LRIF1: variants seen among roughly 807,000 people sequenced by gnomAD.
The protein encoded by LRIF1 is ligand-dependent nuclear receptor-interacting factor 1.
Under a neutral mutation model 52.7 loss-of-function variants are expected in LRIF1, and 32 were observed. The observed-to-expected ratio is 0.61, with a 90% CI of 0.46 to 0.82. The LOEUF is 0.82. Ranked by LOEUF, LRIF1 falls within the 40% of genes least tolerant of loss-of-function variation. The pLI is 0.00. For missense variants in LRIF1, 887 were observed against 892.0 expected, an observed-to-expected ratio of 0.99 and a Z score of 0.07; for synonymous variants, 323 against 317.4, an observed-to-expected ratio of 1.02 and a Z score of -0.19.
At chr1:110,958,714 A>C (rs1004808042) in intron 1 of LRIF1, among the ~76,000 whole-genome samples, 1 of 152,226 alleles carries the variant, frequency 6.6e-6, no homozygotes, top group African/African-American at 2.4e-5. Context: ...TCAGTGTATC[A>C]GTGAGAGTCA....
chr1:110,898,050 AATTTGCTTTAAGG>A, the LRIF1 span, among the ~76,000 whole-genome samples: 1 of 152,198 alleles, frequency 6.6e-6, no homozygotes, highest in Non-Finnish European at 1.5e-5. Context: ...TGTAATTAAC[AATTTGCTTTAAGG>A]TATATAGAAA....
the LRIF1 span, chr1:110,892,556 G>A: frequency 1.5e-5 from 24 of 1,590,508 alleles, 1 homozygote; most frequent in South Asian, 2.6e-4. Flanking sequence ...AGCAGATGTG[G>A]TGCCCCAAGT....
the LRIF1 span, chr1:110,897,793 C>A: frequency 5.2e-6 from 8 of 1,527,230 alleles, no homozygotes; most frequent in Non-Finnish European, 7.3e-6. Flanking sequence ...TCATTTGTAA[C>A]TGAAATGTCT....
chr1:110,911,615 CA>C, the LRIF1 span, among the ~76,000 whole-genome samples: 1 of 152,098 alleles, frequency 6.6e-6, no homozygotes, highest in African/African-American at 2.4e-5. Flanking sequence ...AAAATACGAG[CA>C]AATTGAATCC....
At chr1:110,963,444 G>C in intron 1 of LRIF1, 177 bp downstream of exon 1, 1 of 485,370 alleles carries the variant, frequency 2.1e-6, no homozygotes, top group South Asian at 3.7e-5. Context: ...ACATTTCCCA[G>C]AGGAAAGCGC....
At position 110,951,966 on chromosome 1, in the gene LRIF1, A is replaced by G; in HGVS notation, c.918T>C (p.Pro306=). The G allele has an allele frequency of 6.2e-7, 1 of 1,614,156 alleles. No individual in the cohort carries two copies. The change falls in exon 2 of 4, where the codon CCT becomes CCC. Residue 306 remains proline (P), a synonymous_variant. Transcript: ENST00000369763. The part of the protein sequence containing the change: ...NLQPFTPSLV[P]VKSSNNVASK... ...AAGCCACATTATTTGAAGACTTAAC[A>G]GGAACAAGAGATGGCGTAAAAGGCT...
the LRIF1 span, among the ~76,000 whole-genome samples, chr1:110,882,090 T>C: frequency 6.6e-6 from 1 of 152,206 alleles, no homozygotes; most frequent in Non-Finnish European, 1.5e-5. Context: ...CTTAACAGTG[T>C]CTTTTGAAGA....
the LRIF1 span, among the ~76,000 whole-genome samples, chr1:110,877,816 T>C: frequency 6.6e-6 from 1 of 152,174 alleles, no homozygotes; most frequent in Non-Finnish European, 1.5e-5. Context: ...TTCGTTTTAT[T>C]TTACCCCTAC....
At chr1:110,948,657 C>T (rs918182281) in intron 3 of LRIF1, among the ~76,000 whole-genome samples, 2 of 152,172 alleles carry the variant, frequency 1.3e-5, no homozygotes, top group African/African-American at 4.8e-5. Context: ...TACTGACTCA[C>T]CACAGAAATA....
Position 110,950,190 on chromosome 1 carries a change from T to C in LRIF1, c.1597-67A>G, listed in dbSNP as rs1658406425. 5.4e-6 allele frequency: 8 copies of C among 1,479,232 alleles called. No individual in the cohort carries two copies. The Admixed American group carries it at 1.7e-4, about 31-fold the overall frequency. The allele number at this position is 1,479,232 out of a possible 1,614,324, so 91.6% of individuals were successfully genotyped here. A position where few individuals can be genotyped will look rare whatever the true frequency, so the allele number is the denominator to read the frequency against. On this transcript the variant is annotated intron_variant, in intron 2 of 3. Coordinates refer to ENST00000369763, the MANE Select transcript of LRIF1 (RefSeq NM_018372.4). ...TATTCAAGTTACTTTATTAAGCAAC[T>C]AAGTGATTATTTCATCTTACATAAA...
At chr1:110,945,988 G>A (rs1450651409), downstream of LRIF1, among the ~76,000 whole-genome samples, 16 of 152,126 alleles carry the variant, frequency 1.1e-4, no homozygotes, top group Admixed American at 1.0e-3. Flanking sequence ...AGCAATTACA[G>A]TCCTAGGTAT....
chr1:110,947,279 A>C lies in LRIF1; in HGVS notation c.*680T>G, dbSNP rs1046260. 34,654 of 119,206 alleles carry C rather than the reference A, an allele frequency of 0.29. 4,407 individuals are homozygous for C. The highest frequency in any genetic ancestry group is 0.45 in the East Asian group (1,860 of 4,092). The allele number at this position is 119,206 out of a possible 1,614,324, so 7.4% of individuals were successfully genotyped here. ...CTCAGTAACGTATGTACATAGTCCC[A>C]AAAAAAAAAAAAGCAGCATTTGCCT... On this transcript the variant is annotated 3_prime_UTR_variant, in exon 4 of 4. Coordinates refer to ENST00000369763, the MANE Select transcript of LRIF1 (RefSeq NM_018372.4).
chr1:110,894,507 A>C, the LRIF1 span: 425,572 of 862,610 alleles, frequency 0.49, 108,780 homozygotes, highest in Admixed American at 0.63. Flanking sequence ...TAGAGATAGA[A>C]ATGAAGTGGA....
the LRIF1 span, among the ~76,000 whole-genome samples, chr1:110,924,364 G>A: frequency 6.6e-6 from 1 of 152,188 alleles, no homozygotes; most frequent in Non-Finnish European, 1.5e-5. Context: ...TTATGTATTA[G>A]TCCGTTTTCA....
chr1:110,886,867 A>ATTTT, the LRIF1 span, among the ~76,000 whole-genome samples: 1,143 of 41,280 alleles, frequency 0.028, 9 homozygotes, highest in African/African-American at 0.045. Context: ...ATATATATAT[A>ATTTT]TATTTTTTTT....
chr1:110,928,918 A>G, the LRIF1 span, among the ~76,000 whole-genome samples: 1 of 152,236 alleles, frequency 6.6e-6, no homozygotes, highest in Admixed American at 6.5e-5. Flanking sequence ...GAGATAAAAC[A>G]TCACTAGAGA....
At chr1:110,927,960 A>T in the LRIF1 span, among the ~76,000 whole-genome samples, 12 of 152,174 alleles carry the variant, frequency 7.9e-5, no homozygotes, top group Non-Finnish European at 1.8e-4. Context: ...CATCTTATAC[A>T]TCATTCAAAA....
Sources: allele counts gnomAD v4.1 joint callset (sites outside exome capture counted in the v4.1 genomes callset), GRCh38; gene constraint gnomAD v4.1.1; transcripts MANE v1.5; gene names NCBI Gene and HGNC (gene_info 2026-07-23, HGNC 2026-07-21).